ATG4C: variants seen among roughly 807,000 people sequenced by gnomAD.
ATG4C encodes cysteine protease ATG4C.
Under a neutral mutation model 57.6 loss-of-function variants are expected in ATG4C, and 56 were observed. The observed-to-expected ratio is 0.97, with a 90% confidence interval of 0.78 to 1.21. ATG4C has a LOEUF of 1.21. Among genes scored for constraint, ATG4C ranks in the 50% most tolerant of loss-of-function variants. The pLI is 0.00. For missense variants in ATG4C, 595 were observed against 529.8 expected (o/e 1.12, Z -1.21); for synonymous variants, 157 against 174.1 (o/e 0.90, Z 0.78).
intron 10 of ATG4C, among the ~76,000 whole-genome samples, chr1:62,848,022 G>C (rs1410126757): frequency 1.3e-5 from 2 of 152,198 alleles, no homozygotes; most frequent in Non-Finnish European, 2.9e-5. Flanking sequence ...TGTCTGAGTA[G>C]TTAATTATGT....
chr1:62,811,363 A>G (rs1287885937), intron 3 of ATG4C, among the ~76,000 whole-genome samples: 1 of 152,180 alleles, frequency 6.6e-6, no homozygotes, highest in East Asian at 1.9e-4. Flanking sequence ...CTGAGCTACA[A>G]ACTTATTTCC....
At chr1:62,825,354 A>G (rs775724569) in intron 6 of ATG4C, among the ~76,000 whole-genome samples, 7 of 152,040 alleles carry the variant, frequency 4.6e-5, no homozygotes, top group Admixed American at 6.5e-5. Flanking sequence ...ACAATCTATC[A>G]GTAGCATTTG....
At chr1:62,839,382 A>T (rs897074897) in intron 9 of ATG4C, among the ~76,000 whole-genome samples, 2 of 152,246 alleles carry the variant, frequency 1.3e-5, no homozygotes, top group Non-Finnish European at 2.9e-5. Flanking sequence ...CCAGTGCTTT[A>T]GTATAATATA....
At chr1:62,833,104 G>C (rs917324612) in intron 7 of ATG4C, among the ~76,000 whole-genome samples, 7 of 151,920 alleles carry the variant, frequency 4.6e-5, no homozygotes, top group African/African-American at 1.7e-4. Flanking sequence ...GTATGGTTTG[G>C]TTACTTGTTA....
chr1:62,849,870 G>A (rs990618380), intron 10 of ATG4C, among the ~76,000 whole-genome samples: 1 of 151,932 alleles, frequency 6.6e-6, no homozygotes, highest in Non-Finnish European at 1.5e-5. Flanking sequence ...TACAAGCTAC[G>A]CCATTATGAT....
chr1:62,861,754 G>C (rs1042958602), intron 10 of ATG4C, among the ~76,000 whole-genome samples: 1 of 151,904 alleles, frequency 6.6e-6, no homozygotes. Flanking sequence ...AAATTTTATA[G>C]CTTTATATCT....
intron 3 of ATG4C, among the ~76,000 whole-genome samples, chr1:62,810,964 GTTAC>G (rs1371871038): frequency 2.0e-5 from 3 of 152,034 alleles, no homozygotes; most frequent in African/African-American, 7.2e-5. Flanking sequence ...TTTTTTAATA[GTTAC>G]TTTTGTTTTG....
chr1:62,845,763 G>A (rs1329356536), intron 10 of ATG4C, among the ~76,000 whole-genome samples: 2 of 151,904 alleles, frequency 1.3e-5, no homozygotes, highest in Admixed American at 6.6e-5. Context: ...GTGCAGGGGC[G>A]CGATTTTGGC....
chr1:62,849,599 C>A (rs1017149451), intron 10 of ATG4C, among the ~76,000 whole-genome samples: 5 of 152,120 alleles, frequency 3.3e-5, no homozygotes, highest in African/African-American at 1.2e-4. Context: ...GCAACCTCTG[C>A]CTCCCGGATT....
In ATG4C at chr1:62,824,273, A is replaced by G. The variant is rs191182207; in HGVS notation, c.796+3064A>G. Among the ~76,000 whole-genome samples, 13 of 152,324 alleles carry G rather than the reference A, an allele frequency of 8.5e-5. No individual in the cohort carries two copies. The East Asian group carries it at 2.5e-3, about 29-fold the overall frequency. ...TCCTCAATAAATGTGTGTCGAATGA[A>G]GATGAAGGGTAAGAATGCAATCTCT... On this transcript the variant is annotated intron_variant, in intron 6 of 10. Coordinates refer to ENST00000317868, the MANE Select transcript of ATG4C (RefSeq NM_032852.4).
intron 1 of ATG4C, among the ~76,000 whole-genome samples, chr1:62,796,011 T>C (rs957896563): frequency 6.6e-6 from 1 of 152,158 alleles, no homozygotes; most frequent in Non-Finnish European, 1.5e-5. Flanking sequence ...TATCAGTTAA[T>C]CACTGGGGCA....
chr1:62,846,597 C>T (rs898261571), intron 10 of ATG4C, among the ~76,000 whole-genome samples: 2 of 152,178 alleles, frequency 1.3e-5, no homozygotes, highest in African/African-American at 2.4e-5. Flanking sequence ...GCCTGTTTTG[C>T]TCACAGTTTT....
In ATG4C at chr1:62,860,725, A is replaced by C. The variant is rs554315774; in HGVS notation, c.1210-3267A>C. Among the ~76,000 whole-genome samples, 5 of 152,348 alleles carry C rather than the reference A, an allele frequency of 3.3e-5. No individual in the cohort carries two copies. In the East Asian group the frequency reaches 9.6e-4, roughly 29 times the overall value. Reference sequence around the variant, plus strand: ...TTTTGACAGTGCTTGATTTTGCAGTATGGGCTGACTTTAGAGCTTAACCCC... The same window carrying C: ...TTTTGACAGTGCTTGATTTTGCAGTCTGGGCTGACTTTAGAGCTTAACCCC... On this transcript the variant is annotated intron_variant, in intron 10 of 10. Transcript: ENST00000317868.
At chr1:62,790,384 A>G (rs1024239634) in intron 1 of ATG4C, among the ~76,000 whole-genome samples, 1 of 152,182 alleles carries the variant, frequency 6.6e-6, no homozygotes, top group Non-Finnish European at 1.5e-5. Context: ...AACCTATCCT[A>G]CAACACACAT....
chr1:62,864,020 A>G lies in ATG4C; in HGVS notation c.1238A>G (p.Tyr413Cys). 1 of 1,581,020 alleles carries G rather than the reference A, an allele frequency of 6.3e-7. No individual in the cohort carries two copies. Among genetic ancestry groups the G allele is most frequent in the Non-Finnish European group, 8.6e-7 (1 of 1,168,270 alleles). ...KMLKFSSKEK[Y>C]PLFTFVNGHS... ...CTGAAATTTTCTTCTAAGGAGAAAT[A>G]TCCCTTATTTACTTTTGTAAATGGT... Residue 413 changes from tyrosine (Y) to cysteine (C), a missense_variant, in exon 11 of 11, where the codon TAT becomes TGT. Coordinates refer to ENST00000317868, the MANE Select transcript of ATG4C (RefSeq NM_032852.4).
intron 6 of ATG4C, among the ~76,000 whole-genome samples, chr1:62,825,717 G>A (rs1182270608): frequency 6.6e-6 from 1 of 152,046 alleles, no homozygotes; most frequent in Non-Finnish European, 1.5e-5. Context: ...TACCTAACAA[G>A]TATCTCAAAC....
intron 10 of ATG4C, among the ~76,000 whole-genome samples, chr1:62,843,509 AC>A (rs1285417191): frequency 6.6e-6 from 1 of 152,036 alleles, no homozygotes; most frequent in Admixed American, 6.6e-5. Flanking sequence ...ATTGTTTTTA[AC>A]CCTTAAAAAT....
At chr1:62,837,451 A>G (rs1039458561) in intron 9 of ATG4C, among the ~76,000 whole-genome samples, 1 of 152,192 alleles carries the variant, frequency 6.6e-6, no homozygotes, top group African/African-American at 2.4e-5. Context: ...AGCATGAACA[A>G]CCTTAAACAA....
chr1:62,805,969 A>G (rs1309483933), intron 3 of ATG4C, among the ~76,000 whole-genome samples: 1 of 152,144 alleles, frequency 6.6e-6, no homozygotes, highest in Non-Finnish European at 1.5e-5. Context: ...GAGAGTGAAT[A>G]TGTGTTACAG....
Sources: allele counts gnomAD v4.1 joint callset (sites outside exome capture counted in the v4.1 genomes callset), GRCh38; gene constraint gnomAD v4.1.1; transcripts MANE v1.5; gene names NCBI Gene and HGNC (gene_info 2026-07-23, HGNC 2026-07-21).